The following LRRTM3 variants were observed in gnomAD, a reference collection of about 807,000 sequenced individuals.
LRRTM3 encodes leucine-rich repeat transmembrane neuronal protein 3.
Under a neutral mutation model 44.7 loss-of-function variants are expected in LRRTM3, and 24 were observed. The ratio of observed to expected loss-of-function variants is 0.54; its 90% CI spans 0.39 to 0.76. The LOEUF is 0.76. Ranked by LOEUF, LRRTM3 falls within the 30% of genes least tolerant of loss-of-function variation. The probability of loss-of-function intolerance (pLI) is 0.00; values close to 1 mark genes in which losing one functional copy is unlikely to be tolerated. For synonymous variants in LRRTM3, 277 were observed against 278.7 expected (o/e 0.99, Z 0.06); for missense variants, 587 against 702.2 (o/e 0.84, Z 1.85).
intron 2 of LRRTM3, among the ~76,000 whole-genome samples, chr10:67,026,297 A>G (rs1853386329): frequency 6.6e-6 from 1 of 152,098 alleles, no homozygotes; most frequent in Non-Finnish European, 1.5e-5. Flanking sequence ...AATACTTATG[A>G]CCATCTGGCA....
At chr10:67,033,178 C>T (rs547150805) in intron 2 of LRRTM3, among the ~76,000 whole-genome samples, 2 of 152,246 alleles carry the variant, frequency 1.3e-5, no homozygotes, top group South Asian at 4.2e-4. Context: ...AATATATGAT[C>T]TTCAAGTCCT....
intron 2 of LRRTM3, among the ~76,000 whole-genome samples, chr10:67,053,277 A>G (rs895303404): frequency 1.3e-5 from 2 of 152,208 alleles, no homozygotes; most frequent in Non-Finnish European, 2.9e-5. Context: ...CGCTAATCTT[A>G]GAACACTATA....
At chr10:66,965,507 C>T (rs1207827612) in intron 2 of LRRTM3, among the ~76,000 whole-genome samples, 1 of 150,272 alleles carries the variant, frequency 6.7e-6, no homozygotes, top group Non-Finnish European at 1.5e-5. Flanking sequence ...TGCACTCCAG[C>T]CTGGCGACAG....
intron 2 of LRRTM3, among the ~76,000 whole-genome samples, chr10:67,027,525 C>G (rs1463587270): frequency 2.1e-5 from 3 of 146,220 alleles, no homozygotes; most frequent in Non-Finnish European, 4.5e-5. Context: ...ACCTCTGCTT[C>G]CTGGGTTCAA....
chr10:67,089,857 G>T (rs1857527918), intron 2 of LRRTM3, among the ~76,000 whole-genome samples: 1 of 151,516 alleles, frequency 6.6e-6, no homozygotes. Context: ...CTATAATTTT[G>T]CCAGAGAGCA....
In LRRTM3 at chr10:66,972,375, C is replaced by CA. The variant is rs770963229; in HGVS notation, c.1536+43926dup. On this transcript the variant is annotated intron_variant, in intron 2 of 2. Coordinates refer to ENST00000361320, the MANE Select transcript of LRRTM3 (RefSeq NM_178011.5). ...AGGTCTATGTTGCCCAGGCTTGCCT[C>CA]AAACTACTGGGCTCAAGCAGTCCTC... Among the ~76,000 whole-genome samples, 107 of 152,226 alleles carry CA rather than the reference C, an allele frequency of 7.0e-4. 1 individual carries two copies. Among genetic ancestry groups the CA allele is most frequent in the Non-Finnish European group, 1.3e-3 (88 of 68,028 alleles).
intron 2 of LRRTM3, among the ~76,000 whole-genome samples, chr10:66,970,195 C>G (rs1849640770): frequency 6.6e-6 from 1 of 152,078 alleles, no homozygotes; most frequent in Non-Finnish European, 1.5e-5. Context: ...TAAACTAGAG[C>G]AAGGTCAGTT....
intron 2 of LRRTM3, among the ~76,000 whole-genome samples, chr10:67,038,826 C>T (rs991600460): frequency 5.3e-5 from 8 of 151,742 alleles, no homozygotes; most frequent in African/African-American, 1.9e-4. Context: ...AAAGTAAATG[C>T]ATAAAATGAA....
At chr10:66,990,287 G>A (rs1850972214) in intron 2 of LRRTM3, among the ~76,000 whole-genome samples, 1 of 152,122 alleles carries the variant, frequency 6.6e-6, no homozygotes, top group South Asian at 2.1e-4. Flanking sequence ...TAGTGCTGTG[G>A]CCAGGTGAAG....
At chr10:66,977,309 A>G (rs990936458) in intron 2 of LRRTM3, among the ~76,000 whole-genome samples, 6 of 152,004 alleles carry the variant, frequency 3.9e-5, no homozygotes, top group African/African-American at 1.4e-4. Context: ...GGTGGCTGGT[A>G]CCTGTAGTCC....
At chr10:67,053,287 A>G (rs1350391057) in intron 2 of LRRTM3, among the ~76,000 whole-genome samples, 1 of 152,176 alleles carries the variant, frequency 6.6e-6, no homozygotes, top group African/African-American at 2.4e-5. Context: ...AGAACACTAT[A>G]CAAATACAAA....
At chr10:67,041,060 G>C (rs1854360589) in intron 2 of LRRTM3, among the ~76,000 whole-genome samples, 1 of 152,060 alleles carries the variant, frequency 6.6e-6, no homozygotes, top group Non-Finnish European at 1.5e-5. Context: ...AAAACACTTA[G>C]AATTGTACTG....
intron 2 of LRRTM3, among the ~76,000 whole-genome samples, chr10:67,001,435 G>T (rs968012806): frequency 1.1e-4 from 16 of 151,844 alleles, no homozygotes; most frequent in African/African-American, 3.9e-4. Flanking sequence ...GGTGAAGTAG[G>T]AGCTGAAGAC....
intron 2 of LRRTM3, among the ~76,000 whole-genome samples, chr10:67,081,799 A>G (rs1857073045): frequency 6.6e-6 from 1 of 152,148 alleles, no homozygotes; most frequent in African/African-American, 2.4e-5. Context: ...TCAGCTCAAG[A>G]GTCTCCCCTC....
intron 2 of LRRTM3, among the ~76,000 whole-genome samples, chr10:67,008,054 A>G (rs1313315689): frequency 6.6e-6 from 1 of 151,978 alleles, no homozygotes; most frequent in Non-Finnish European, 1.5e-5. Flanking sequence ...TGAATTTACT[A>G]AAAAATGAGA....
At chr10:67,052,740 G>T (rs1359833755) in intron 2 of LRRTM3, 1 of 151,912 alleles carries the variant, frequency 6.6e-6, no homozygotes, top group Non-Finnish European at 1.5e-5. Flanking sequence ...CAGCCAACAA[G>T]TTTTACTACA....
At chr10:67,026,251 A>C (rs949661209) in intron 2 of LRRTM3, among the ~76,000 whole-genome samples, 1 of 152,070 alleles carries the variant, frequency 6.6e-6, no homozygotes, top group Non-Finnish European at 1.5e-5. Flanking sequence ...TAAAACTTAA[A>C]GTATAATAAT....
intron 2 of LRRTM3, among the ~76,000 whole-genome samples, chr10:66,972,904 G>A (rs1452334006): frequency 6.6e-6 from 1 of 151,778 alleles, no homozygotes; most frequent in Non-Finnish European, 1.5e-5. Context: ...TAGAGATGGG[G>A]TTTCACCATG....
chr10:67,001,648 A>G (rs115032434), intron 2 of LRRTM3, among the ~76,000 whole-genome samples: 201 of 152,312 alleles, frequency 1.3e-3, no homozygotes, highest in African/African-American at 4.7e-3. Context: ...TTATAAAGAA[A>G]GTTACCACAA....
Sources: gnomAD v4.1 joint callset for allele counts (sites outside exome capture counted in the v4.1 genomes callset) on GRCh38, gnomAD v4.1.1 for gene constraint, MANE v1.5 for transcripts, NCBI Gene and HGNC (gene_info 2026-07-23, HGNC 2026-07-21) for gene names.